Variants in UNC5C observed in about 807,000 individuals in gnomAD.
UNC5C encodes the protein unc-5 netrin receptor C.
Under a neutral mutation model 99.8 loss-of-function variants are expected in UNC5C, and 47 were observed. That is an observed-to-expected ratio of 0.47 (90% CI 0.37 to 0.60). The LOEUF (loss-of-function observed/expected upper bound fraction) is 0.60, where lower values mean the gene tolerates loss of function less well. UNC5C is among the 20% of genes least tolerant of loss of function. The pLI, the probability that UNC5C is intolerant of heterozygous loss-of-function variation, is 0.00. For missense variants in UNC5C, 1,062 were observed against 1,165.9 expected (o/e 0.91, Z 1.30); for synonymous variants, 487 against 452.2 (o/e 1.08, Z -0.98).
At chr4:95,320,558 T>C (rs1351444416) in intron 2 of UNC5C, among the ~76,000 whole-genome samples, 3 of 152,156 alleles carry the variant, frequency 2.0e-5, no homozygotes, top group Non-Finnish European at 2.9e-5. Flanking sequence ...CACTTTGAAG[T>C]GGTCATATTA....
chr4:95,386,530 C>A (rs1030370383), intron 1 of UNC5C, among the ~76,000 whole-genome samples: 1 of 152,208 alleles, frequency 6.6e-6, no homozygotes, highest in Non-Finnish European at 1.5e-5. Context: ...GCTCTCCACA[C>A]AGTTGTAAAG....
intron 1 of UNC5C, among the ~76,000 whole-genome samples, chr4:95,344,208 A>T (rs1743685126): frequency 6.6e-6 from 1 of 152,112 alleles, no homozygotes; most frequent in South Asian, 2.1e-4. Flanking sequence ...AGAGAAAAAA[A>T]CAACATAAAA....
At chr4:95,324,489 T>A (rs1331529619) in intron 2 of UNC5C, among the ~76,000 whole-genome samples, 1 of 152,150 alleles carries the variant, frequency 6.6e-6, no homozygotes, top group Non-Finnish European at 1.5e-5. Flanking sequence ...ACTTGAATCA[T>A]CCCTAAATCA....
chr4:95,489,302 G>T (rs1057092549), intron 1 of UNC5C, among the ~76,000 whole-genome samples: 3 of 151,758 alleles, frequency 2.0e-5, no homozygotes, highest in African/African-American at 7.2e-5. Context: ...AAGTTGGAAA[G>T]CACATGGGGA....
At chr4:95,460,098 G>T (rs1747555246) in intron 1 of UNC5C, among the ~76,000 whole-genome samples, 2 of 151,612 alleles carry the variant, frequency 1.3e-5, no homozygotes, top group Admixed American at 1.3e-4. Flanking sequence ...TTTTAAAAAG[G>T]AGTAGGAGTC....
At chr4:95,297,455 C>T (rs2149402434) in intron 3 of UNC5C, among the ~76,000 whole-genome samples, 1 of 152,270 alleles carries the variant, frequency 6.6e-6, no homozygotes, top group Admixed American at 6.5e-5. Flanking sequence ...TGTTAAACAT[C>T]TGTGATACTC....
intron 1 of UNC5C, among the ~76,000 whole-genome samples, chr4:95,463,637 C>G (rs763807499): frequency 6.6e-6 from 1 of 152,114 alleles, no homozygotes; most frequent in Non-Finnish European, 1.5e-5. Context: ...GAGAAGGTAT[C>G]AAAATAGTAG....
At chr4:95,312,298 G>A (rs113337124) in intron 2 of UNC5C, among the ~76,000 whole-genome samples, 9 of 152,160 alleles carry the variant, frequency 5.9e-5, no homozygotes, top group African/African-American at 2.2e-4. Context: ...TTGAGCATAG[G>A]CCCTGTCCTA....
At chr4:95,356,392 T>C (rs1744206225) in intron 1 of UNC5C, among the ~76,000 whole-genome samples, 1 of 152,062 alleles carries the variant, frequency 6.6e-6, no homozygotes, top group African/African-American at 2.4e-5. Context: ...CCATATCACT[T>C]ACCAAAATTT....
intron 1 of UNC5C, among the ~76,000 whole-genome samples, chr4:95,440,225 A>C (rs1221041167): frequency 6.6e-6 from 1 of 152,138 alleles, no homozygotes; most frequent in Non-Finnish European, 1.5e-5. Flanking sequence ...GAGACAGTAG[A>C]TTGTTTTCAG....
At chr4:95,278,638 C>T (rs890807809) in intron 3 of UNC5C, among the ~76,000 whole-genome samples, 2 of 151,820 alleles carry the variant, frequency 1.3e-5, no homozygotes, top group African/African-American at 4.8e-5. Flanking sequence ...GCATGCTTGG[C>T]TATTTTTTTA....
chr4:95,535,768 C>G (rs1403272696), intron 1 of UNC5C, among the ~76,000 whole-genome samples: 3 of 151,896 alleles, frequency 2.0e-5, no homozygotes, highest in Admixed American at 1.3e-4. Context: ...TAATTTGATT[C>G]ATTTCCTATA....
intron 1 of UNC5C, among the ~76,000 whole-genome samples, chr4:95,495,903 G>T (rs181651996): frequency 1.3e-5 from 2 of 151,812 alleles, no homozygotes; most frequent in East Asian, 3.9e-4. Flanking sequence ...CAGATTTTAA[G>T]CAATATTCAA....
At chr4:95,265,811 C>A (rs537197674) in intron 4 of UNC5C, among the ~76,000 whole-genome samples, 1 of 152,140 alleles carries the variant, frequency 6.6e-6, no homozygotes, top group African/African-American at 2.4e-5. Flanking sequence ...TGCAGCCTTG[C>A]GCAGGCTATA....
intron 12 of UNC5C, among the ~76,000 whole-genome samples, chr4:95,188,868 G>C (rs1162315649): frequency 1.3e-5 from 2 of 152,146 alleles, no homozygotes; most frequent in Non-Finnish European, 2.9e-5. Context: ...AACTGCTAAT[G>C]GGCTAATGGT....
chr4:95,378,424 G>C (rs1372577039), intron 1 of UNC5C, among the ~76,000 whole-genome samples: 2 of 152,114 alleles, frequency 1.3e-5, no homozygotes, highest in African/African-American at 4.8e-5. Flanking sequence ...TATCTTAAGG[G>C]TATTGTGGCT....
At chr4:95,292,352 C>T (rs768922346) in intron 3 of UNC5C, among the ~76,000 whole-genome samples, 16 of 151,148 alleles carry the variant, frequency 1.1e-4, no homozygotes, top group Non-Finnish European at 2.4e-4. Flanking sequence ...TCACCGCAAG[C>T]TCTGCCTCCC....
intron 1 of UNC5C, among the ~76,000 whole-genome samples, chr4:95,508,081 T>C (rs575191968): frequency 1.1e-3 from 173 of 152,130 alleles, no homozygotes; most frequent in African/African-American, 4.0e-3. Context: ...GTCTTCTGCT[T>C]CTTGGATCCA....
chr4:95,416,290 G>A (rs752717128), intron 1 of UNC5C, among the ~76,000 whole-genome samples: 1 of 152,058 alleles, frequency 6.6e-6, no homozygotes, highest in Non-Finnish European at 1.5e-5. Flanking sequence ...GAGTGAGGAA[G>A]TGCTTACATC....
Sources: gnomAD v4.1 joint callset for allele counts (sites outside exome capture counted in the v4.1 genomes callset) on GRCh38, gnomAD v4.1.1 for gene constraint, MANE v1.5 for transcripts, NCBI Gene and HGNC (gene_info 2026-07-23, HGNC 2026-07-21) for gene names.